The following BCAR3 variants were observed in gnomAD, a reference collection of about 807,000 sequenced individuals.
BCAR3 encodes BCAR3 adaptor protein, NSP family member.
Under a neutral mutation model 80.1 loss-of-function variants are expected in BCAR3, and 37 were observed. That is an observed-to-expected ratio of 0.46 (90% confidence interval 0.36 to 0.61). The LOEUF (loss-of-function observed/expected upper bound fraction) is 0.61, where lower values mean the gene tolerates loss of function less well. Ranked by LOEUF, BCAR3 falls within the 20% of genes least tolerant of loss-of-function variation. The pLI, the probability that BCAR3 is intolerant of heterozygous loss-of-function variation, is 0.00. For synonymous variants in BCAR3, 389 were observed against 418.9 expected, an observed-to-expected ratio of 0.93 and a Z score of 0.87; for missense variants, 978 against 1,068.2, an observed-to-expected ratio of 0.92 and a Z score of 1.18.
chr1:93,815,174 G>A (rs964613504), intron 2 of BCAR3, among the ~76,000 whole-genome samples: 4 of 152,142 alleles, frequency 2.6e-5, no homozygotes, highest in Admixed American at 1.3e-4. Context: ...AGGTCCCACC[G>A]GGCCTCTTGG....
At chr1:93,698,706 G>A (rs1249166697) in intron 3 of BCAR3, among the ~76,000 whole-genome samples, 1 of 152,210 alleles carries the variant, frequency 6.6e-6, no homozygotes, top group Non-Finnish European at 1.5e-5. Flanking sequence ...CTGCCACTGT[G>A]CTCAGCCTTT....
intron 2 of BCAR3, among the ~76,000 whole-genome samples, chr1:93,781,876 T>C (rs750445936): frequency 6.6e-6 from 1 of 152,360 alleles, no homozygotes; most frequent in East Asian, 1.9e-4. Flanking sequence ...CCTGGAATCA[T>C]ATCTCTTCAA....
chr1:93,658,805 C>T (rs1199921192), intron 2 of BCAR3, among the ~76,000 whole-genome samples: 1 of 152,182 alleles, frequency 6.6e-6, no homozygotes, highest in African/African-American at 2.4e-5. Flanking sequence ...TGAATGAACT[C>T]ATTCCTAGAA....
chr1:93,701,611 C>A lies in BCAR3; in HGVS notation c.-12+4481G>T, dbSNP rs148352425. ...AAGAGACACTGCACAGACCAACCAC[C>A]GTGTGTGATGAGGGGCTGGGCAGGC... On this transcript the variant is annotated intron_variant, in intron 3 of 13. Transcript: ENST00000370244. 1.6e-4 allele frequency among the ~76,000 whole-genome samples: 25 copies of A among 152,214 alleles called. 1 individual carries two copies. Among genetic ancestry groups the A allele is most frequent in the Non-Finnish European group, 2.6e-4 (18 of 68,028 alleles).
intron 3 of BCAR3, among the ~76,000 whole-genome samples, chr1:93,611,858 A>G (rs1450234275): frequency 6.6e-6 from 1 of 152,212 alleles, no homozygotes; most frequent in African/African-American, 2.4e-5. Flanking sequence ...ATTAGACCAA[A>G]TGGAAAGTTA....
chr1:93,618,303 C>T (rs1403833115), intron 3 of BCAR3, among the ~76,000 whole-genome samples: 4 of 152,200 alleles, frequency 2.6e-5, no homozygotes, highest in Admixed American at 6.5e-5. Flanking sequence ...TTTAGGAGTG[C>T]GTGCTGTACA....
At position 93,584,032 on chromosome 1, in the gene BCAR3, C is replaced by G. The variant is rs777014697; in HGVS notation, c.1019G>C (p.Ser340Thr). The change falls in exon 6 of 12, where the codon AGC (serine) becomes ACC (threonine). Residue 340 changes from serine to threonine, a missense_variant. Coordinates refer to ENST00000260502, the MANE Select transcript of BCAR3 (RefSeq NM_003567.4). ...CCGAAACATACCAATCGGCAGGTAG[C>G]TCTCTGACTGGTGGGCTTTGAGGGA... The part of the protein sequence containing the change: ...ALSLKAHQSE[S>T]YLPIGCKLPP... 1.2e-6 allele frequency: 2 copies of G among 1,614,044 alleles called. No individual in the cohort carries two copies. The highest frequency in any genetic ancestry group is 1.7e-6 in the Non-Finnish European group (2 of 1,180,002).
At chr1:93,568,127 A>C (rs756736897) in intron 9 of BCAR3, 1 of 329,788 alleles carries the variant, frequency 3.0e-6, no homozygotes, top group Non-Finnish European at 5.8e-6. Context: ...CGGAGGTTGC[A>C]ATGAGCCAAG....
intron 2 of BCAR3, among the ~76,000 whole-genome samples, chr1:93,755,781 G>C (rs960725295): frequency 6.6e-6 from 1 of 152,154 alleles, no homozygotes; most frequent in Non-Finnish European, 1.5e-5. Flanking sequence ...GTGTGCGTGT[G>C]CATGTGTGTG....
chr1:93,648,373 G>A (rs1454018922), intron 2 of BCAR3, among the ~76,000 whole-genome samples: 1 of 152,134 alleles, frequency 6.6e-6, no homozygotes, highest in Non-Finnish European at 1.5e-5. Flanking sequence ...AGTACCAAAA[G>A]CTACTCTTGG....
chr1:93,735,481 T>TA (rs1044222817), intron 2 of BCAR3, among the ~76,000 whole-genome samples: 11 of 152,196 alleles, frequency 7.2e-5, no homozygotes, highest in African/African-American at 2.4e-4. Context: ...CATCCCATAT[T>TA]AAAAAATTAT....
At chr1:93,635,538 C>T (rs537082599) in intron 3 of BCAR3, among the ~76,000 whole-genome samples, 5 of 152,248 alleles carry the variant, frequency 3.3e-5, no homozygotes, top group South Asian at 2.1e-4. Context: ...GTAGTAACAC[C>T]GAACCTCCCA....
rs746541069 is a variant in BCAR3 at position 93,586,861 on chromosome 1, G to A, written c.929+2116C>T. Among the ~76,000 whole-genome samples the A allele has an allele frequency of 1.3e-4, 20 of 152,260 alleles. No homozygotes were observed. The highest frequency in any genetic ancestry group is 2.2e-4 in the Non-Finnish European group (15 of 68,016). ...TGCAGTGGCATGATCTCGGCTCACT[G>A]CCTCCTGGGTTCAAGCAATTCTCCT... On this transcript the variant is annotated intron_variant, in intron 5 of 11. Coordinates refer to ENST00000260502, the MANE Select transcript of BCAR3 (RefSeq NM_003567.4). This position sits in a 1 kb window ranked among gnomAD's most constrained non-coding sequence, Gnocchi z 4.2.
intron 2 of BCAR3, among the ~76,000 whole-genome samples, chr1:93,834,335 T>C (rs1284947020): frequency 6.6e-6 from 1 of 152,156 alleles, no homozygotes; most frequent in East Asian, 1.9e-4. Context: ...CAAACCCATA[T>C]ACTCTCCTAT....
At chr1:93,576,221 G>T (rs1011024435) in intron 7 of BCAR3, 92 bp from the exon 8 acceptor site, 1 of 819,876 alleles carries the variant, frequency 1.2e-6, no homozygotes, top group Non-Finnish European at 1.9e-6. Flanking sequence ...ACTGAACTAC[G>T]ATGGCGTGGA....
At chr1:93,593,578 T>C (rs970100840) in intron 3 of BCAR3, among the ~76,000 whole-genome samples, 30 of 151,908 alleles carry the variant, frequency 2.0e-4, no homozygotes, top group Admixed American at 2.0e-3. Flanking sequence ...TTTTGCCATG[T>C]TGCCCAGGCT....
intron 2 of BCAR3, among the ~76,000 whole-genome samples, chr1:93,661,490 CTTT>C (rs113706605): frequency 7.1e-6 from 1 of 140,914 alleles, no homozygotes; most frequent in Non-Finnish European, 1.6e-5. Flanking sequence ...CCCAGTGTAG[CTTT>C]TTTTTTTTTT....
At chr1:93,777,426 T>G (rs12748930) in intron 2 of BCAR3, among the ~76,000 whole-genome samples, 1 of 121,248 alleles carries the variant, frequency 8.2e-6, no homozygotes, top group Non-Finnish European at 1.7e-5. Flanking sequence ...CCTCCTCCTC[T>G]TCCTCCTCCT....
chr1:93,584,008 C>A lies in BCAR3; in HGVS notation c.1033+10G>T. On this transcript the variant is annotated intron_variant, in intron 6 of 11. Coordinates refer to ENST00000260502, the MANE Select transcript of BCAR3 (RefSeq NM_003567.4). ...ACTGACGTTCTCCCTGAAAATTCCC[C>A]GAAACATACCAATCGGCAGGTAGCT... The A allele has an allele frequency of 6.2e-7, 1 of 1,612,946 alleles. No individual in the cohort carries two copies. Among genetic ancestry groups the A allele is most frequent in the Middle Eastern group, 1.7e-4 (1 of 6,058 alleles).
Sources: gnomAD v4.1 joint callset for allele counts (sites outside exome capture counted in the v4.1 genomes callset) on GRCh38, gnomAD v4.1.1 for gene constraint, Gnocchi (gnomAD v3.1) non-coding constraint, MANE v1.5 for transcripts, NCBI Gene and HGNC (gene_info 2026-07-23, HGNC 2026-07-21) for gene names.